Variants in FAM240B observed in about 807,000 individuals in gnomAD.
The protein encoded by FAM240B is protein FAM240B.
intron 2 of FAM240B, among the ~76,000 whole-genome samples, chr9:38,703,038 T>C (rs991565071): frequency 1.8e-4 from 28 of 152,310 alleles, no homozygotes; most frequent in Middle Eastern, 3.4e-3. Context: ...ATCTTACAGA[T>C]AGCTAATGTA....
At chr9:38,700,939 T>C (rs993786755) in intron 2 of FAM240B, among the ~76,000 whole-genome samples, 2 of 152,172 alleles carry the variant, frequency 1.3e-5, no homozygotes, top group African/African-American at 4.8e-5. Flanking sequence ...TTCACCCAGC[T>C]CTGGAACAAC....
chr9:38,712,425 A>C (rs951023292), intron 1 of FAM240B, among the ~76,000 whole-genome samples: 1 of 152,256 alleles, frequency 6.6e-6, no homozygotes, highest in African/African-American at 2.4e-5. Context: ...AATGTGTCTC[A>C]TCATCATTAT....
At chr9:38,697,204 G>A (rs1347343869) in intron 2 of FAM240B, among the ~76,000 whole-genome samples, 1 of 152,186 alleles carries the variant, frequency 6.6e-6, no homozygotes, top group African/African-American at 2.4e-5. Flanking sequence ...TCAGATGTAA[G>A]GAGCAAAGTT....
At chr9:38,701,666 C>T (rs982381651) in intron 2 of FAM240B, among the ~76,000 whole-genome samples, 6 of 151,912 alleles carry the variant, frequency 3.9e-5, no homozygotes, top group African/African-American at 1.5e-4. Flanking sequence ...TCAAACACTT[C>T]GTTGGGGGAG....
At chr9:38,705,836 T>C (rs1821185340) in intron 1 of FAM240B, among the ~76,000 whole-genome samples, 1 of 152,144 alleles carries the variant, frequency 6.6e-6, no homozygotes, top group Non-Finnish European at 1.5e-5. Context: ...AAGAATCTGC[T>C]TCCGGTGTTC....
At chr9:38,699,275 T>C (rs1288135119) in intron 2 of FAM240B, among the ~76,000 whole-genome samples, 1 of 152,226 alleles carries the variant, frequency 6.6e-6, no homozygotes, top group African/African-American at 2.4e-5. Context: ...CATAATGTTA[T>C]TCCTGGAGTG....
intron 1 of FAM240B, among the ~76,000 whole-genome samples, chr9:38,707,634 AAACC>A (rs1564000658): frequency 6.8e-6 from 1 of 147,974 alleles, no homozygotes; most frequent in African/African-American, 2.6e-5. Flanking sequence ...AACAAAAAAA[AAACC>A]AAAAAATTAG....
At chr9:38,709,544 C>A (rs1044464931) in intron 1 of FAM240B, among the ~76,000 whole-genome samples, 2 of 152,194 alleles carry the variant, frequency 1.3e-5, no homozygotes, top group Non-Finnish European at 2.9e-5. Context: ...ATGCCATATG[C>A]ATATGGTGGT....
chr9:38,714,789 G>A (rs1821291172), intron 1 of FAM240B, among the ~76,000 whole-genome samples: 1 of 152,174 alleles, frequency 6.6e-6, no homozygotes, highest in Non-Finnish European at 1.5e-5. Context: ...CTGAGAAACG[G>A]TCACAGATTG....
In FAM240B at chr9:38,713,749, G is replaced by T. The variant is rs12351708; in HGVS notation, c.-4+6273C>A. On this transcript the variant is annotated intron_variant, in intron 1 of 2. Transcript: ENST00000637493. ...AACTTCTCTCATGTGATTTAGAAAA[G>T]ATATAGATTGACAAGGCAAATGATA... is the stretch of plus-strand genomic sequence containing the variant. Among the ~76,000 whole-genome samples the T allele has an allele frequency of 7.0e-3, 1,069 of 152,262 alleles. 11 individuals carry two copies. The highest frequency in any genetic ancestry group is 0.024 in the African/African-American group (1,002 of 41,554).
At chr9:38,700,221 T>C (rs1821109930) in intron 2 of FAM240B, among the ~76,000 whole-genome samples, 1 of 152,264 alleles carries the variant, frequency 6.6e-6, no homozygotes, top group South Asian at 2.1e-4. Context: ...TTATAAAAAG[T>C]TTGAAATAGC....
chr9:38,695,618 C>T (rs1350227182), intron 2 of FAM240B, among the ~76,000 whole-genome samples: 1 of 152,194 alleles, frequency 6.6e-6, no homozygotes. Context: ...ATGGCTTTAT[C>T]CCAAATGTAA....
chr9:38,705,293 C>A (rs10814738), intron 1 of FAM240B: 109,488 of 152,328 alleles, frequency 0.72, 39,520 homozygotes, highest in South Asian at 0.8. Flanking sequence ...AGTTTAGAAA[C>A]AGCTTCAGAG....
At chr9:38,711,522 C>T (rs922930721) in intron 1 of FAM240B, among the ~76,000 whole-genome samples, 1 of 152,234 alleles carries the variant, frequency 6.6e-6, no homozygotes, top group Admixed American at 6.5e-5. Context: ...TCCTCTTTCA[C>T]CTTCTCAGAT....
chr9:38,709,157 T>C (rs534650710), intron 1 of FAM240B, among the ~76,000 whole-genome samples: 1 of 152,276 alleles, frequency 6.6e-6, no homozygotes, highest in South Asian at 2.1e-4. Context: ...AACCCCTCCA[T>C]GTTATTTCAC....
intron 2 of FAM240B, among the ~76,000 whole-genome samples, chr9:38,701,442 T>C (rs1233576970): frequency 1.3e-5 from 2 of 152,228 alleles, no homozygotes; most frequent in Non-Finnish European, 2.9e-5. Context: ...TTTGCTTTGC[T>C]TTTTTGTTCA....
At chr9:38,715,804 A>G (rs1821297913) in intron 1 of FAM240B, among the ~76,000 whole-genome samples, 1 of 152,204 alleles carries the variant, frequency 6.6e-6, no homozygotes, top group South Asian at 2.1e-4. Flanking sequence ...TGAGTTCCCC[A>G]TGGACCATGT....
rs939739339 is a variant in FAM240B at position 38,704,000 on chromosome 9, C to T, written c.-1G>A. 24 of 399,990 alleles carry T rather than the reference C, an allele frequency of 6.0e-5. No homozygotes were observed. Among genetic ancestry groups the T allele is most frequent in the Non-Finnish European group, 7.5e-5 (17 of 226,068 alleles). The allele number at this position is 399,990 out of a possible 1,614,324, so 24.8% of individuals were successfully genotyped here. A position where few individuals can be genotyped will look rare whatever the true frequency, so the allele number is the denominator to read the frequency against. On this transcript the variant is annotated splice_region_variant and 5_prime_UTR_variant, in exon 2 of 3. Coordinates refer to ENST00000637493, the MANE Select transcript of FAM240B (RefSeq NM_001394922.1). ...CTCGACGGATGTATTGATTGTTCAT[C>T]CCCTGAAATATACAAGTAAAGCAAA...
chr9:38,707,167 C>T (rs148444059), intron 1 of FAM240B, among the ~76,000 whole-genome samples: 122 of 152,108 alleles, frequency 8.0e-4, no homozygotes, highest in African/African-American at 2.5e-3. Context: ...ATTGGGTACC[C>T]GGTATTTAGA....
Sources: gnomAD v4.1 joint callset for allele counts (sites outside exome capture counted in the v4.1 genomes callset) on GRCh38, gnomAD v4.1.1 for gene constraint, MANE v1.5 for transcripts, NCBI Gene and HGNC (gene_info 2026-07-23, HGNC 2026-07-21) for gene names.